The following CNNM2 variants were observed in gnomAD, a reference collection of about 807,000 sequenced individuals.
CNNM2 encodes the protein metal transporter CNNM2.
In CNNM2, 12 loss-of-function variants were observed where a neutral mutation model predicts 66.9. The ratio of observed to expected loss-of-function variants is 0.18; its 90% confidence interval spans 0.11 to 0.29. The LOEUF is 0.29. Ranked by LOEUF, CNNM2 falls within the 10% of genes least tolerant of loss-of-function variation. The probability of loss-of-function intolerance (pLI) is 1.00; values close to 1 mark genes in which losing one functional copy is unlikely to be tolerated. For missense variants in CNNM2, 705 were observed against 1,167.7 expected (o/e 0.60, Z 5.77); for synonymous variants, 557 against 501.8 (o/e 1.11, Z -1.47).
At chr10:102,965,096 C>T (rs1366165938) in intron 1 of CNNM2, among the ~76,000 whole-genome samples, 1 of 152,198 alleles carries the variant, frequency 6.6e-6, no homozygotes, top group Non-Finnish European at 1.5e-5. Context: ...TTAGACTTCC[C>T]AGCCTCCAGA....
chr10:102,948,879 TAGAG>T (rs1554891057), intron 1 of CNNM2, among the ~76,000 whole-genome samples: 2 of 151,394 alleles, frequency 1.3e-5, no homozygotes, highest in African/African-American at 4.9e-5. Context: ...CTTTCAATGA[TAGAG>T]AGAGAGAGGC....
At chr10:102,988,061 G>A (rs1269025447) in intron 1 of CNNM2, among the ~76,000 whole-genome samples, 3 of 152,200 alleles carry the variant, frequency 2.0e-5, no homozygotes, top group Admixed American at 2.0e-4. Context: ...CACTTTGGGA[G>A]GCCGAGGCGG....
intron 1 of CNNM2, 78 bp from the exon 2 acceptor site, chr10:103,049,629 G>GT (rs931282977): frequency 2.2e-6 from 3 of 1,352,372 alleles, no homozygotes; most frequent in Non-Finnish European, 2.1e-6. Flanking sequence ...GTTTGCTGGT[G>GT]TTTTTACCAT....
At chr10:103,068,470 C>A in intron 4 of CNNM2, 159 bp from the exon 5 acceptor site, 1 of 661,658 alleles carries the variant, frequency 1.5e-6, no homozygotes, top group South Asian at 1.8e-5. Flanking sequence ...GCGAATGAGC[C>A]CCCTCCTCTC....
Position 102,920,045 on chromosome 10 carries a change from T to C in CNNM2, c.1565T>C (p.Leu522Ser). The C allele has an allele frequency of 1.2e-6, 2 of 1,614,164 alleles. No homozygotes were observed. Among genetic ancestry groups the C allele is most frequent in the Non-Finnish European group, 1.7e-6 (2 of 1,180,024 alleles). Residue 522 changes from leucine (L) to serine (S), a missense_variant, in exon 1 of 8, where the codon TTG becomes TCG. Around this residue, in one of 9 missense-constraint regions of CNNM2, gnomAD observed 171 missense variants for 304.8 expected, o/e 0.56. Coordinates refer to ENST00000369878, the MANE Select transcript of CNNM2 (RefSeq NM_017649.5). ...KTITKFYNHP[L>S]HFVFNDTKLD... ...ATCACCAAATTTTATAACCACCCCT[T>C]GCACTTTGTTTTCAATGACACCAAG...
intron 5 of CNNM2, among the ~76,000 whole-genome samples, chr10:103,069,304 CGT>C (rs1564869985): frequency 6.6e-6 from 1 of 151,968 alleles, no homozygotes; most frequent in Admixed American, 6.6e-5. Flanking sequence ...TTTGGGTGAA[CGT>C]GTGTGTCCAT....
At chr10:102,944,385 G>A (rs1248917930) in intron 1 of CNNM2, among the ~76,000 whole-genome samples, 2 of 152,074 alleles carry the variant, frequency 1.3e-5, no homozygotes, top group African/African-American at 4.8e-5. Context: ...GCCTGCTTTC[G>A]TAACTCTTAT....
intron 1 of CNNM2, among the ~76,000 whole-genome samples, chr10:102,969,367 C>A (rs576094293): frequency 4.6e-5 from 7 of 151,910 alleles, no homozygotes; most frequent in Non-Finnish European, 1.0e-4. Context: ...GTGCCTGCCA[C>A]CACGCCTAGC....
At chr10:102,928,795 C>T (rs902117240) in intron 1 of CNNM2, among the ~76,000 whole-genome samples, 5 of 152,104 alleles carry the variant, frequency 3.3e-5, no homozygotes, top group Admixed American at 3.3e-4. Context: ...CCCCCAAAGG[C>T]CCCACCTCTT....
chr10:102,994,533 A>G (rs1048108868), intron 1 of CNNM2, among the ~76,000 whole-genome samples: 3 of 152,220 alleles, frequency 2.0e-5, no homozygotes, highest in Admixed American at 2.0e-4. Flanking sequence ...TTTAGGAACA[A>G]TTCTCAAAGC....
At chr10:103,073,316 C>T (rs1564871752) in intron 6 of CNNM2, among the ~76,000 whole-genome samples, 1 of 152,342 alleles carries the variant, frequency 6.6e-6, no homozygotes, top group South Asian at 2.1e-4. Flanking sequence ...AGAATTACTG[C>T]AGGAGGCCTC....
intron 1 of CNNM2, among the ~76,000 whole-genome samples, chr10:103,018,521 TGAA>T (rs765374300): frequency 6.6e-5 from 10 of 151,872 alleles, no homozygotes; most frequent in African/African-American, 1.2e-4. Flanking sequence ...ATTACTCAAA[TGAA>T]GAAGTATAGA....
chr10:102,921,054 C>T (rs1290823286), intron 1 of CNNM2: 2 of 977,634 alleles, frequency 2.0e-6, no homozygotes, highest in African/African-American at 3.5e-5. Context: ...CAACTCTCAC[C>T]GTTCCAAGAT....
chr10:103,057,191 G>A (rs1044939789), intron 4 of CNNM2, among the ~76,000 whole-genome samples: 3 of 152,052 alleles, frequency 2.0e-5, no homozygotes, highest in Admixed American at 1.3e-4. Context: ...TAGTAGGCTC[G>A]GTGCAGTGGC....
chr10:103,005,086 T>C (rs2064199889), intron 1 of CNNM2, among the ~76,000 whole-genome samples: 1 of 152,018 alleles, frequency 6.6e-6, no homozygotes, highest in African/African-American at 2.4e-5. Context: ...CTAATTTTTT[T>C]GTATTTTTAG....
At position 103,084,283 on chromosome 10, in the gene CNNM2, A is replaced by G. The variant is rs897817583; in HGVS notation, c.*7103A>G. On this transcript the variant is annotated 3_prime_UTR_variant, in exon 8 of 8. Transcript: ENST00000369878. The stretch of plus-strand genomic sequence containing the variant: ...GTGGCATTTGCAGTCTTTTACTTAC[A>G]CTTGTTCTGTGGATGGAGACATTTC... 5 of 152,280 alleles carry G rather than the reference A, an allele frequency of 3.3e-5. No homozygotes were observed. The highest frequency in any genetic ancestry group is 2.1e-4 in the South Asian group (1 of 4,822). The allele number at this position is 152,280 out of a possible 1,614,324, so 9.4% of individuals were successfully genotyped here.
At chr10:103,053,064 G>A (rs550440713) in intron 2 of CNNM2, among the ~76,000 whole-genome samples, 12 of 152,312 alleles carry the variant, frequency 7.9e-5, no homozygotes, top group East Asian at 1.9e-4. Flanking sequence ...CTTTAAGCTC[G>A]TTTTTTCTTG....
At chr10:102,943,848 G>A (rs1846514286) in intron 1 of CNNM2, among the ~76,000 whole-genome samples, 1 of 152,108 alleles carries the variant, frequency 6.6e-6, no homozygotes, top group African/African-American at 2.4e-5. Context: ...CTCTGCTCAT[G>A]TTCTCATCCT....
chr10:103,047,214 C>T, intron 1 of CNNM2, among the ~76,000 whole-genome samples: 1 of 152,210 alleles, frequency 6.6e-6, no homozygotes, highest in Non-Finnish European at 1.5e-5. Flanking sequence ...AGGTGAATGT[C>T]AGCAGTGATG....
Sources: gnomAD v4.1 joint callset for allele counts (sites outside exome capture counted in the v4.1 genomes callset) on GRCh38, gnomAD v4.1.1 for gene constraint, gnomAD v4.1.1 regional missense constraint, MANE v1.5 for transcripts, NCBI Gene and HGNC (gene_info 2026-07-23, HGNC 2026-07-21) for gene names.